The following MED13L variants were observed in gnomAD, a reference collection of about 807,000 sequenced individuals.
The protein encoded by MED13L is mediator of RNA polymerase II transcription subunit 13-like.
MED13L carries 7 observed loss-of-function variants against 220.9 expected under a neutral mutation model. The observed-to-expected ratio is 0.03, with a 90% CI of 0.02 to 0.06. The LOEUF (loss-of-function observed/expected upper bound fraction) is 0.06, where lower values mean the gene tolerates loss of function less well. Ranked by LOEUF, MED13L falls within the 10% of genes least tolerant of loss-of-function variation. The probability of loss-of-function intolerance (pLI) is 1.00; values close to 1 mark genes in which losing one functional copy is unlikely to be tolerated. For missense variants in MED13L, 1,965 were observed against 2,760.5 expected (o/e 0.71, Z 6.46); for synonymous variants, 1,011 against 1,015.2 (o/e 1.00, Z 0.08).
At chr12:116,147,117 A>G (rs753123949) in intron 2 of MED13L, among the ~76,000 whole-genome samples, 3 of 152,182 alleles carry the variant, frequency 2.0e-5, no homozygotes, top group Admixed American at 6.5e-5. Flanking sequence ...AATATTCAAC[A>G]AACATTTATT....
intron 14 of MED13L, among the ~76,000 whole-genome samples, chr12:116,000,271 C>T (rs890953933): frequency 1.3e-5 from 2 of 152,080 alleles, no homozygotes; most frequent in African/African-American, 2.4e-5. Flanking sequence ...CTTTGGTCCT[C>T]CAAAATAGAA....
intron 1 of MED13L, among the ~76,000 whole-genome samples, chr12:116,260,723 C>T (rs1872452692): frequency 1.3e-5 from 2 of 152,092 alleles, no homozygotes; most frequent in South Asian, 4.1e-4. Context: ...ACTGGTTCCC[C>T]AAATCTGGCC....
At chr12:116,011,335 C>T (rs1193094651) in intron 9 of MED13L, among the ~76,000 whole-genome samples, 1 of 152,076 alleles carries the variant, frequency 6.6e-6, no homozygotes, top group Non-Finnish European at 1.5e-5. Flanking sequence ...CAAAGAAATA[C>T]AACAATAATT....
intron 2 of MED13L, chr12:116,230,560 C>G: frequency 1.3e-6 from 1 of 763,658 alleles, no homozygotes; most frequent in Non-Finnish European, 1.6e-6. Context: ...CCAAATACTG[C>G]AAATACAATT....
chr12:116,062,361 C>T (rs1242180962), intron 4 of MED13L, among the ~76,000 whole-genome samples: 1 of 151,984 alleles, frequency 6.6e-6, no homozygotes, highest in Non-Finnish European at 1.5e-5. Flanking sequence ...ACCATGTTGG[C>T]CAGGCTTGTC....
chr12:116,091,109 G>C (rs1392792649), intron 4 of MED13L, among the ~76,000 whole-genome samples: 1 of 122,094 alleles, frequency 8.2e-6, no homozygotes, highest in Non-Finnish European at 1.6e-5. Flanking sequence ...TGACAGAGCG[G>C]AACTCTGTCT....
chr12:116,256,063 T>C (rs1282320436), intron 1 of MED13L, among the ~76,000 whole-genome samples: 1 of 152,242 alleles, frequency 6.6e-6, no homozygotes, highest in African/African-American at 2.4e-5. Flanking sequence ...TAAAAATTCA[T>C]TGTACTACAT....
At chr12:116,221,686 A>G (rs899584666) in intron 2 of MED13L, among the ~76,000 whole-genome samples, 1 of 152,192 alleles carries the variant, frequency 6.6e-6, no homozygotes, top group Non-Finnish European at 1.5e-5. Context: ...AAACAGGTTT[A>G]TTATATATCA....
In MED13L at chr12:116,207,278, CAT is replaced by C. The variant is rs543876482; in HGVS notation, c.310+30188_310+30189del. ...ACCCTCCCAAAATGCTGGGATTACA[CAT>C]GTGAGCCACCGTTCCTTGCTTTTTC... On this transcript the variant is annotated intron_variant, in intron 2 of 30. Coordinates refer to ENST00000281928, the MANE Select transcript of MED13L (RefSeq NM_015335.5). Among the ~76,000 whole-genome samples, 556 of 152,060 alleles carry C rather than the reference CAT, an allele frequency of 3.7e-3. 3 individuals are homozygous for C. The highest frequency in any genetic ancestry group is 6.7e-3 in the Non-Finnish European group (452 of 67,968).
chr12:116,142,147 C>T (rs1434286788), intron 2 of MED13L, among the ~76,000 whole-genome samples: 1 of 152,184 alleles, frequency 6.6e-6, no homozygotes, highest in Non-Finnish European at 1.5e-5. Flanking sequence ...TCCTTCACTG[C>T]TTCATTTTTC....
intron 2 of MED13L, among the ~76,000 whole-genome samples, chr12:116,178,954 T>C (rs1880285425): frequency 6.6e-6 from 1 of 152,218 alleles, no homozygotes; most frequent in African/African-American, 2.4e-5. Flanking sequence ...AGAATGAATT[T>C]GTGCCATGAA....
chr12:115,975,165 T>C lies in MED13L; in HGVS notation c.5731+6A>G. The stretch of plus-strand genomic sequence containing the variant: ...TTCTGCAAATACTTCTTCAAAAATT[T>C]CTCACCTTTAAGCTCCCCATGGCCA... On this transcript the variant is annotated splice_donor_region_variant and intron_variant, in intron 25 of 30. Coordinates refer to ENST00000281928, the MANE Select transcript of MED13L (RefSeq NM_015335.5). 1 of 1,614,096 alleles carries C rather than the reference T, an allele frequency of 6.2e-7. No homozygotes were observed. Among genetic ancestry groups the C allele is most frequent in the Non-Finnish European group, 8.5e-7 (1 of 1,179,998 alleles).
At chr12:116,159,125 A>C (rs1265985966) in intron 2 of MED13L, among the ~76,000 whole-genome samples, 1 of 152,212 alleles carries the variant, frequency 6.6e-6, no homozygotes, top group Admixed American at 6.5e-5. Flanking sequence ...TTTAAAACAA[A>C]GGCAACATTA....
intron 2 of MED13L, among the ~76,000 whole-genome samples, chr12:116,224,497 T>C (rs1304296742): frequency 6.6e-6 from 1 of 152,224 alleles, no homozygotes; most frequent in Non-Finnish European, 1.5e-5. Flanking sequence ...TGTGTGTATA[T>C]ACTCTCTCTT....
chr12:116,092,032 A>G (rs1872261274), intron 4 of MED13L, among the ~76,000 whole-genome samples: 1 of 152,242 alleles, frequency 6.6e-6, no homozygotes, highest in Non-Finnish European at 1.5e-5. Flanking sequence ...GAAAATGAGT[A>G]AATGTTTTAT....
chr12:116,101,033 A>G lies in MED13L; in HGVS notation c.396-4281T>C, dbSNP rs565003949. On this transcript the variant is annotated intron_variant, in intron 3 of 30. Transcript: ENST00000281928. ...ACACAGGGCTGGTCAACTACGAAGC[A>G]TGTCCTTGGCTCTGAATTTCCATAT... Among the ~76,000 whole-genome samples the G allele has an allele frequency of 2.0e-5, 3 of 152,334 alleles. No individual in the cohort carries two copies. In the South Asian group the frequency reaches 6.2e-4, roughly 32 times the overall value.
chr12:115,976,756 C>T (rs766073260), intron 23 of MED13L, among the ~76,000 whole-genome samples: 17 of 152,144 alleles, frequency 1.1e-4, no homozygotes, highest in Non-Finnish European at 2.2e-4. Flanking sequence ...TCATAATACA[C>T]ATCTTACTAT....
chr12:115,966,788 ACTTTT>A (rs1329728850), intron 28 of MED13L, among the ~76,000 whole-genome samples: 5 of 152,306 alleles, frequency 3.3e-5, no homozygotes, highest in Middle Eastern at 3.4e-3. Flanking sequence ...TGCAACTGAC[ACTTTT>A]CTTATCTTTT....
intron 23 of MED13L, among the ~76,000 whole-genome samples, chr12:115,979,233 A>T (rs895997060): frequency 6.6e-6 from 1 of 152,226 alleles, no homozygotes; most frequent in Non-Finnish European, 1.5e-5. Context: ...GAGAAAAACG[A>T]TATTACTCGA....
Sources: gnomAD v4.1 joint callset for allele counts (sites outside exome capture counted in the v4.1 genomes callset) on GRCh38, gnomAD v4.1.1 for gene constraint, MANE v1.5 for transcripts, NCBI Gene and HGNC (gene_info 2026-07-23, HGNC 2026-07-21) for gene names.